WWOX: variants seen among roughly 807,000 people sequenced by gnomAD.
The protein encoded by WWOX is WW domain containing oxidoreductase, also known as WW domain-containing oxidoreductase.
A neutral mutation model predicts 46.2 loss-of-function variants in WWOX; 69 were observed. The observed-to-expected ratio is 1.49, with a 90% CI of 1.23 to 1.82. The LOEUF (loss-of-function observed/expected upper bound fraction) is 1.82. WWOX is among the 40% of genes most tolerant of loss of function. The probability of loss-of-function intolerance (pLI) is 0.00; values close to 1 mark genes in which losing one functional copy is unlikely to be tolerated. For synonymous variants in WWOX, 359 were observed against 202.6 expected (o/e 1.77, Z -6.56); for missense variants, 919 against 542.6 (o/e 1.69, Z -6.89).
At chr16:78,789,957 T>G (rs2142588228) in intron 8 of WWOX, among the ~76,000 whole-genome samples, 1 of 152,314 alleles carries the variant, frequency 6.6e-6, no homozygotes, top group South Asian at 2.1e-4. Context: ...TTACTTCACC[T>G]CTCCAAGCCT....
At position 79,193,027 on chromosome 16, in the gene WWOX, T is replaced by C. The variant is rs975471275; in HGVS notation, c.1057-18581T>C. 1.1e-4 allele frequency among the ~76,000 whole-genome samples: 17 copies of C among 152,216 alleles called. 1 individual carries two copies. The highest frequency in any genetic ancestry group is 1.0e-3 in the Admixed American group (16 of 15,282). On this transcript the variant is annotated intron_variant, in intron 8 of 8. Transcript: ENST00000566780. Reference sequence around the variant, plus strand: ...CACCAAAAGGAGACAGAAGTTTGTGTCCATGGCTGTGAACTGCCAAAGAGT... The same window carrying C: ...CACCAAAAGGAGACAGAAGTTTGTGCCCATGGCTGTGAACTGCCAAAGAGT...
chr16:78,618,868 C>G (rs2046096733), intron 8 of WWOX, among the ~76,000 whole-genome samples: 1 of 151,470 alleles, frequency 6.6e-6, no homozygotes, highest in Non-Finnish European at 1.5e-5. Context: ...ACGCGGACAC[C>G]TTGGATGTGC....
chr16:78,943,173 T>C (rs2045884923), intron 8 of WWOX, among the ~76,000 whole-genome samples: 1 of 152,268 alleles, frequency 6.6e-6, no homozygotes, highest in Middle Eastern at 3.4e-3. Context: ...ATTTGAGTGC[T>C]TTCTATATGA....
chr16:78,444,394 G>A (rs1302887347), intron 8 of WWOX, among the ~76,000 whole-genome samples: 1 of 152,106 alleles, frequency 6.6e-6, no homozygotes, highest in African/African-American at 2.4e-5. Flanking sequence ...AATAAAAAAA[G>A]GAGACTAACA....
In WWOX at chr16:78,765,539, T is replaced by C. The variant is rs200112345; in HGVS notation, c.1056+332787T>C. On this transcript the variant is annotated intron_variant, in intron 8 of 8. Transcript: ENST00000566780. ...ACTAAAAGTACAAAAATTAGCCAGG[T>C]GTGATAGCGGGCGCCTGTAATCCTG... Among the ~76,000 whole-genome samples the C allele has an allele frequency of 6.6e-5, 10 of 152,004 alleles. No homozygotes were observed. The East Asian group carries it at 1.9e-3, about 30-fold the overall frequency.
At chr16:79,063,681 C>G (rs1295307287) in intron 8 of WWOX, among the ~76,000 whole-genome samples, 1 of 152,154 alleles carries the variant, frequency 6.6e-6, no homozygotes, top group African/African-American at 2.4e-5. Flanking sequence ...TTTGGATTGA[C>G]GTGCCAGCAC....
At chr16:78,959,658 A>G (rs532299859) in intron 8 of WWOX, among the ~76,000 whole-genome samples, 1 of 152,244 alleles carries the variant, frequency 6.6e-6, no homozygotes, top group South Asian at 2.1e-4. Flanking sequence ...GAGCTCATCA[A>G]AATTTGTCGG....
intron 8 of WWOX, among the ~76,000 whole-genome samples, chr16:79,049,646 G>C (rs2048129312): frequency 6.6e-6 from 1 of 152,074 alleles, no homozygotes; most frequent in South Asian, 2.1e-4. Flanking sequence ...GACCAGCCTG[G>C]CCATGATGGC....
At chr16:78,526,822 G>C (rs538664845) in intron 8 of WWOX, among the ~76,000 whole-genome samples, 1 of 152,160 alleles carries the variant, frequency 6.6e-6, no homozygotes, top group African/African-American at 2.4e-5. Context: ...GTGATCTTGA[G>C]GGGGGTCTGG....
chr16:78,474,667 T>C (rs2084313708), intron 8 of WWOX, among the ~76,000 whole-genome samples: 1 of 152,204 alleles, frequency 6.6e-6, no homozygotes, highest in South Asian at 2.1e-4. Flanking sequence ...TGTGCAACCA[T>C]TGCCACAGTC....
intron 8 of WWOX, among the ~76,000 whole-genome samples, chr16:78,542,628 C>T (rs150300781): frequency 1.2e-4 from 18 of 152,228 alleles, no homozygotes; most frequent in African/African-American, 4.3e-4. Flanking sequence ...GGAGGGATTG[C>T]GTAATGCACC....
At chr16:79,035,534 TTTTA>T (rs1189220918) in intron 8 of WWOX, among the ~76,000 whole-genome samples, 1 of 152,078 alleles carries the variant, frequency 6.6e-6, no homozygotes, top group South Asian at 2.1e-4. Context: ...AGTCAGCTTA[TTTTA>T]TTTATTTATT....
intron 5 of WWOX, among the ~76,000 whole-genome samples, chr16:78,337,978 C>T (rs924904416): frequency 8.3e-6 from 1 of 120,026 alleles, no homozygotes; most frequent in Admixed American, 8.2e-5. Context: ...GATGCTTTAT[C>T]AGGTCACTTG....
At chr16:79,183,354 C>G (rs1024994796) in intron 8 of WWOX, among the ~76,000 whole-genome samples, 2 of 152,192 alleles carry the variant, frequency 1.3e-5, no homozygotes, top group Non-Finnish European at 2.9e-5. Flanking sequence ...GGGAGGGACA[C>G]AAGAAAAGAA....
At chr16:79,099,626 T>C (rs941429514) in intron 8 of WWOX, among the ~76,000 whole-genome samples, 35 of 151,798 alleles carry the variant, frequency 2.3e-4, no homozygotes, top group African/African-American at 7.8e-4. Context: ...GAGAAATCTT[T>C]AGGAGTTTTA....
At chr16:79,178,623 C>T (rs2050849756) in intron 8 of WWOX, among the ~76,000 whole-genome samples, 1 of 152,124 alleles carries the variant, frequency 6.6e-6, no homozygotes, top group African/African-American at 2.4e-5. Flanking sequence ...AGCCTGATTC[C>T]TGTTTTACAT....
At chr16:79,184,084 A>G (rs1001601072) in intron 8 of WWOX, among the ~76,000 whole-genome samples, 4 of 152,314 alleles carry the variant, frequency 2.6e-5, no homozygotes, top group African/African-American at 9.6e-5. Context: ...AGGACTCAAA[A>G]TGGGGAAAAG....
chr16:78,605,594 G>A (rs1023842290), intron 8 of WWOX, among the ~76,000 whole-genome samples: 1 of 152,068 alleles, frequency 6.6e-6, no homozygotes, highest in African/African-American at 2.4e-5. Flanking sequence ...GCCCTTTCTA[G>A]AGCAACCTAA....
intron 8 of WWOX, among the ~76,000 whole-genome samples, chr16:79,077,703 C>CT (rs1303466054): frequency 2.0e-5 from 3 of 150,686 alleles, no homozygotes; most frequent in Non-Finnish European, 2.9e-5. Context: ...GAAATACCAG[C>CT]AAGAATTGTG....
Sources: gnomAD v4.1 joint callset for allele counts (sites outside exome capture counted in the v4.1 genomes callset) on GRCh38, gnomAD v4.1.1 for gene constraint, MANE v1.5 for transcripts, NCBI Gene and HGNC (gene_info 2026-07-23, HGNC 2026-07-21) for gene names.